The following CSNK1A1 variants were observed in gnomAD, a reference collection of about 807,000 sequenced individuals.
The protein encoded by CSNK1A1 is casein kinase I isoform alpha.
CSNK1A1 carries 7 observed loss-of-function variants against 46.1 expected under a neutral mutation model. The observed-to-expected ratio is 0.15, with a 90% CI of 0.09 to 0.29. The LOEUF (loss-of-function observed/expected upper bound fraction) is 0.29. Ranked by LOEUF, CSNK1A1 falls within the 10% of genes least tolerant of loss-of-function variation. CSNK1A1 has a pLI of 1.00. For synonymous variants in CSNK1A1, 137 were observed against 141.5 expected, an observed-to-expected ratio of 0.97 and a Z score of 0.23; for missense variants, 96 against 417.1, an observed-to-expected ratio of 0.23 and a Z score of 6.71.
intron 5 of CSNK1A1, among the ~76,000 whole-genome samples, chr5:149,512,292 C>T (rs112185883): frequency 1.8e-3 from 272 of 151,678 alleles, no homozygotes; most frequent in Non-Finnish European, 3.1e-3. Context: ...TATCTATATA[C>T]ACATACATAC....
chr5:149,532,688 A>G (rs1580849411), intron 2 of CSNK1A1, among the ~76,000 whole-genome samples: 1 of 152,062 alleles, frequency 6.6e-6, no homozygotes, highest in East Asian at 1.9e-4. Flanking sequence ...AACTCCATCT[A>G]CCCCCCACAA....
rs1760663625 is a variant in CSNK1A1 at position 149,496,708 on chromosome 5, A to C, written c.*145T>G. 1,673 of 1,094,472 alleles carry C rather than the reference A, an allele frequency of 1.5e-3. No individual in the cohort carries two copies. The highest frequency in any genetic ancestry group is 1.8e-3 in the Non-Finnish European group (1,424 of 784,846). The allele number at this position is 1,094,472 out of a possible 1,614,324, so 67.8% of individuals were successfully genotyped here. On this transcript the variant is annotated 3_prime_UTR_variant, in exon 10 of 10. Coordinates refer to ENST00000377843, the MANE Select transcript of CSNK1A1 (RefSeq NM_001892.6). ...CACCAATGCTGCCCAGAGTCAGTTT[A>C]TACTGAAATTAAGTTCTTTACACCA... is the stretch of plus-strand genomic sequence containing the variant.
At chr5:149,502,461 G>T in intron 9 of CSNK1A1, 1 of 317,072 alleles carries the variant, frequency 3.2e-6, no homozygotes, top group Non-Finnish European at 4.2e-6. Flanking sequence ...TCCCACCTCA[G>T]CCTCCCAACA....
chr5:149,544,737 T>TATATATATATACATATATATATA (rs1554118044), intron 2 of CSNK1A1, among the ~76,000 whole-genome samples: 2 of 80,808 alleles, frequency 2.5e-5, no homozygotes, highest in East Asian at 8.2e-4. Context: ...GTAAAGAGCT[T>TATATATATATACATATATATATA]TATATATATA....
chr5:149,521,934 T>A (rs1761584870), intron 3 of CSNK1A1, among the ~76,000 whole-genome samples: 1 of 152,210 alleles, frequency 6.6e-6, no homozygotes, highest in South Asian at 2.1e-4. Flanking sequence ...CTCTTCTATG[T>A]ACTGTCAAGC....
At chr5:149,511,932 GA>G in intron 5 of CSNK1A1, 60 bp from the exon 6 acceptor site, 7 of 1,300,112 alleles carry the variant, frequency 5.4e-6, no homozygotes, top group Non-Finnish European at 7.7e-6. Context: ...ACATATGAAA[GA>G]AAGTCAAGTA....
chr5:149,510,302 AG>A (rs1178280923), intron 6 of CSNK1A1, among the ~76,000 whole-genome samples: 1 of 152,150 alleles, frequency 6.6e-6, no homozygotes, highest in African/African-American at 2.4e-5. Flanking sequence ...TATGTTGCCC[AG>A]GCTGGAGTGC....
At position 149,493,616 on chromosome 5, in the gene CSNK1A1, A is replaced by G. The variant is rs570591687; in HGVS notation, c.*3237T>C. On this transcript the variant is annotated 3_prime_UTR_variant, in exon 10 of 10. Coordinates refer to ENST00000377843, the MANE Select transcript of CSNK1A1 (RefSeq NM_001892.6). Reference sequence around the variant, plus strand: ...CGCCATCTTTGGCTGTTTCAAACATACACTGCTAAAAAAAAAAAAAGATTG... The same window carrying G: ...CGCCATCTTTGGCTGTTTCAAACATGCACTGCTAAAAAAAAAAAAAGATTG... 22 of 151,918 alleles carry G rather than the reference A, an allele frequency of 1.4e-4. No individual in the cohort carries two copies. Among genetic ancestry groups the G allele is most frequent in the African/African-American group, 4.3e-4 (18 of 41,418 alleles). The allele number at this position is 151,918 out of a possible 1,614,324, so 9.4% of individuals were successfully genotyped here.
In CSNK1A1 at chr5:149,498,089, C is replaced by T. The variant is rs532597359; in HGVS notation, c.1007-1229G>A. The T allele has an allele frequency of 1.2e-4, 113 of 979,382 alleles. No individual in the cohort carries two copies. The African/African-American group carries it at 1.8e-3, about 16-fold the overall frequency. 60.7% of individuals were successfully genotyped at this position (979,382 alleles called of 1,614,324 possible). On this transcript the variant is annotated intron_variant, in intron 9 of 9. Coordinates refer to ENST00000377843, the MANE Select transcript of CSNK1A1 (RefSeq NM_001892.6). ...CCTCGTGATCCACCCGCCATGGCCT[C>T]CCAAAGTGTGGGGGTTACAGGTGGG...
intron 3 of CSNK1A1, among the ~76,000 whole-genome samples, chr5:149,522,971 GAACA>G (rs1424092559): frequency 6.6e-6 from 1 of 151,174 alleles, no homozygotes; most frequent in Non-Finnish European, 1.5e-5. Flanking sequence ...ACGTGTTACT[GAACA>G]AACAAAAACA....
At chr5:149,535,782 C>A (rs559117177) in intron 2 of CSNK1A1, among the ~76,000 whole-genome samples, 1 of 152,086 alleles carries the variant, frequency 6.6e-6, no homozygotes, top group Non-Finnish European at 1.5e-5. Flanking sequence ...GCTGGGATTA[C>A]AGGCACATGC....
At chr5:149,501,862 G>A in intron 9 of CSNK1A1, 1 of 972,842 alleles carries the variant, frequency 1.0e-6, no homozygotes, top group Non-Finnish European at 1.2e-6. Flanking sequence ...TAGTCAAAGG[G>A]AGTGAAATAA....
chr5:149,509,284 A>T (rs765374872), intron 7 of CSNK1A1, among the ~76,000 whole-genome samples: 24 of 152,206 alleles, frequency 1.6e-4, no homozygotes, highest in Non-Finnish European at 2.6e-4. Context: ...AGAATAATAA[A>T]AATGTAAATT....
intron 7 of CSNK1A1, among the ~76,000 whole-genome samples, chr5:149,507,537 T>G (rs189428053): frequency 6.6e-6 from 1 of 152,090 alleles, no homozygotes; most frequent in Non-Finnish European, 1.5e-5. Context: ...CTCAGCTTAC[T>G]GCAACCTCCA....
Position 149,520,383 on chromosome 5 carries a change from G to A in CSNK1A1, c.363C>T (p.Ile121=). Residue 121 remains isoleucine, a synonymous_variant, in exon 4 of 10, where the codon ATC becomes ATT. Coordinates refer to ENST00000377843, the MANE Select transcript of CSNK1A1 (RefSeq NM_001892.6). The part of the protein sequence containing the change: ...KTVLMLADQM[I]SRIEYVHTKN... ...TTGTATGCACATATTCAATTCTACT[G>A]ATCATCTGGAAAAAAAAGAAGGGAG... 2.5e-6 allele frequency: 4 copies of A among 1,569,654 alleles called. No individual in the cohort carries two copies. The highest frequency in any genetic ancestry group is 3.5e-6 in the Non-Finnish European group (4 of 1,144,636).
At chr5:149,499,959 C>CTT (rs1169224966) in intron 9 of CSNK1A1, among the ~76,000 whole-genome samples, 1 of 70,786 alleles carries the variant, frequency 1.4e-5, no homozygotes, top group African/African-American at 4.5e-5. Context: ...GGTTTTTTTT[C>CTT]TTTTTTTCTT....
At chr5:149,534,345 G>A (rs1454259819) in intron 2 of CSNK1A1, among the ~76,000 whole-genome samples, 1 of 151,964 alleles carries the variant, frequency 6.6e-6, no homozygotes, top group Non-Finnish European at 1.5e-5. Context: ...AGCTGGGCGT[G>A]GTGGCGCACG....
intron 2 of CSNK1A1, among the ~76,000 whole-genome samples, chr5:149,544,299 T>C (rs1402603090): frequency 6.6e-6 from 1 of 152,140 alleles, no homozygotes; most frequent in Non-Finnish European, 1.5e-5. Flanking sequence ...ACCCAGTCAA[T>C]ATCACATGGC....
chr5:149,548,786 T>G (rs1292246838), intron 2 of CSNK1A1, among the ~76,000 whole-genome samples: 1 of 152,074 alleles, frequency 6.6e-6, no homozygotes, highest in Non-Finnish European at 1.5e-5. Context: ...GAGGCAGAGG[T>G]TGCAGTGAGC....
Sources: gnomAD v4.1 joint callset for allele counts (sites outside exome capture counted in the v4.1 genomes callset) on GRCh38, gnomAD v4.1.1 for gene constraint, MANE v1.5 for transcripts, NCBI Gene and HGNC (gene_info 2026-07-23, HGNC 2026-07-21) for gene names.